Variants in NT5C3A observed in about 807,000 individuals in gnomAD.
NT5C3A encodes cytosolic 5'-nucleotidase 3A.
Under a neutral mutation model 40.0 loss-of-function variants are expected in NT5C3A, and 23 were observed. The observed-to-expected ratio is 0.58, with a 90% confidence interval of 0.41 to 0.81. The LOEUF (loss-of-function observed/expected upper bound fraction) is 0.81, where lower values mean the gene tolerates loss of function less well. Ranked by LOEUF, NT5C3A falls within the 40% of genes least tolerant of loss-of-function variation. The pLI is 0.00. For synonymous variants in NT5C3A, 130 were observed against 141.4 expected, an observed-to-expected ratio of 0.92 and a Z score of 0.57; for missense variants, 328 against 403.0, an observed-to-expected ratio of 0.81 and a Z score of 1.59.
rs772630339 is a variant in NT5C3A at position 33,035,935 on chromosome 7, A to AT, written c.139-9021dup. The AT allele has an allele frequency of 1.2e-5, 19 of 1,612,178 alleles. No individual in the cohort carries two copies. The African/African-American group carries it at 2.4e-4, about 20-fold the overall frequency. On this transcript the variant is annotated intron_variant, in intron 1 of 8. Transcript: ENST00000610140. ...AACTGGAAATAGGCAAATACCCACC[A>AT]TTTTCACATGTACGGCAGACTCTTG...
intron 2 of NT5C3A, among the ~76,000 whole-genome samples, chr7:33,026,148 G>A (rs1467552810): frequency 6.6e-6 from 1 of 152,056 alleles, no homozygotes; most frequent in Admixed American, 6.6e-5. Flanking sequence ...TCGTGCCACT[G>A]CACTCCAGCC....
chr7:33,019,246 AC>A (rs1359586148), intron 6 of NT5C3A, among the ~76,000 whole-genome samples: 1 of 143,136 alleles, frequency 7.0e-6, no homozygotes, highest in Non-Finnish European at 1.5e-5. Flanking sequence ...ACAGAGAGAG[AC>A]CCTGTCTTTA....
At chr7:33,021,231 T>C (rs769577554) in intron 5 of NT5C3A, 41 bp downstream of exon 5, 105 of 1,608,228 alleles carry the variant, frequency 6.5e-5, no homozygotes, top group Non-Finnish European at 8.1e-5. Context: ...TGTTGTTTTA[T>C]TATTTTTTTT....
At chr7:33,054,286 C>T (rs139180100) in intron 1 of NT5C3A, among the ~76,000 whole-genome samples, 197 of 150,718 alleles carry the variant, frequency 1.3e-3, no homozygotes, top group African/African-American at 4.6e-3. Flanking sequence ...TCAAGCAGGT[C>T]AAAGCTGCAG....
chr7:33,046,315 T>C (rs60057476), intron 1 of NT5C3A, among the ~76,000 whole-genome samples: 4,528 of 152,210 alleles, frequency 0.03, 100 homozygotes, highest in South Asian at 0.12. Context: ...GGTAGAAGGA[T>C]TGCTTGAGCC....
At chr7:33,041,392 T>G (rs764499834) in intron 1 of NT5C3A, among the ~76,000 whole-genome samples, 3 of 152,182 alleles carry the variant, frequency 2.0e-5, no homozygotes, top group African/African-American at 7.2e-5. Context: ...TGGACAGTGG[T>G]TATGGTTGCA....
chr7:33,046,545 T>C (rs1787166000), intron 1 of NT5C3A, among the ~76,000 whole-genome samples: 1 of 151,354 alleles, frequency 6.6e-6, no homozygotes, highest in African/African-American at 2.4e-5. Context: ...AAAAAAAAAA[T>C]TGCAAAAATC....
chr7:33,033,622 G>T (rs1451179424), intron 1 of NT5C3A, among the ~76,000 whole-genome samples: 2 of 152,056 alleles, frequency 1.3e-5, no homozygotes, highest in African/African-American at 4.8e-5. Flanking sequence ...AAGAAACAAA[G>T]ATTTCTTCTT....
Position 33,040,888 on chromosome 7 carries a change from C to T in NT5C3A, c.139-13973G>A, listed in dbSNP as rs72555730. The T allele has an allele frequency of 5.5e-4, 543 of 985,248 alleles. 5 individuals are homozygous for T. The East Asian group carries it at 0.034, about 62-fold the overall frequency. The allele number at this position is 985,248 out of a possible 1,614,324, so 61.0% of individuals were successfully genotyped here. On this transcript the variant is annotated intron_variant, in intron 1 of 8. Transcript: ENST00000610140. ...CACACTTACCCTGAAGGTAACCGGA[C>T]GAGCTACACCAGCAAAAGAAAATTC... is the stretch of plus-strand genomic sequence containing the variant.
chr7:33,059,272 G>T (rs969298155), intron 1 of NT5C3A, among the ~76,000 whole-genome samples: 6 of 152,072 alleles, frequency 3.9e-5, no homozygotes, highest in Non-Finnish European at 5.9e-5. Flanking sequence ...GTATATATTG[G>T]TTACTCTGGG....
At chr7:33,053,355 T>A (rs1787446646) in intron 1 of NT5C3A, among the ~76,000 whole-genome samples, 1 of 152,054 alleles carries the variant, frequency 6.6e-6, no homozygotes, top group Non-Finnish European at 1.5e-5. Flanking sequence ...GCCTGGCTAA[T>A]TTTTGTATTT....
At position 33,017,618 on chromosome 7, in the gene NT5C3A, A is replaced by C. The variant is rs1275200396; in HGVS notation, c.531-17T>G. The C allele has an allele frequency of 1.9e-6, 3 of 1,600,748 alleles. No homozygotes were observed. The highest frequency in any genetic ancestry group is 4.5e-5 in the East Asian group (2 of 44,822). On this transcript the variant is annotated splice_polypyrimidine_tract_variant and intron_variant, in intron 6 of 8. Coordinates refer to ENST00000610140, the MANE Select transcript of NT5C3A (RefSeq NM_001002010.5). Reference sequence around the variant, plus strand: ...TATCCTTCTCTGTAAGATGGAGATAACAAACTGGTTATTAAAGAGCAAGAT... The same window carrying C: ...TATCCTTCTCTGTAAGATGGAGATACCAAACTGGTTATTAAAGAGCAAGAT...
At chr7:33,027,799 C>T (rs536276051) in intron 1 of NT5C3A, among the ~76,000 whole-genome samples, 21 of 152,254 alleles carry the variant, frequency 1.4e-4, no homozygotes, top group African/African-American at 2.4e-4. Flanking sequence ...TAAACTTCCA[C>T]CCTAATACTA....
intron 8 of NT5C3A, 27 bp from the exon 9 acceptor site, chr7:33,014,858 T>G (rs746728140): frequency 1.0e-5 from 16 of 1,584,086 alleles, no homozygotes; most frequent in Admixed American, 6.7e-5. Flanking sequence ...CAAAAGAAAA[T>G]TAACATGCAG....
rs140783190 is a variant in NT5C3A at position 33,025,097 on chromosome 7, C to T, written c.238-989G>A. On this transcript the variant is annotated intron_variant, in intron 2 of 8. Transcript: ENST00000610140. ...CAGGTTGCAGTGAGCTAAGATCATG[C>T]CACTACACTCCAACCTGGGCGACAG... Among the ~76,000 whole-genome samples the T allele has an allele frequency of 8.5e-3, 1,288 of 152,170 alleles. 22 individuals are homozygous for T. The highest frequency in any genetic ancestry group is 0.03 in the African/African-American group (1,236 of 41,498).
chr7:33,031,084 C>T (rs553943321), intron 1 of NT5C3A, among the ~76,000 whole-genome samples: 106 of 129,810 alleles, frequency 8.2e-4, no homozygotes, highest in Non-Finnish European at 1.6e-3. Context: ...TGGGCGACAG[C>T]GAGACTCTGC....
Position 33,062,616 on chromosome 7 carries a change from T to C in NT5C3A, c.90A>G (p.Ile30Met), listed in dbSNP as rs1787828366. 5.6e-6 allele frequency: 9 copies of C among 1,608,966 alleles called. No individual in the cohort carries two copies. Among genetic ancestry groups the C allele is most frequent in the Non-Finnish European group, 7.6e-6 (9 of 1,178,450 alleles). ...GCCCCGTCTTCCTCTTCAAGGTGAA[T>C]ATGTACTGAGCCAGCACCACCCCCG... is the stretch of plus-strand genomic sequence containing the variant. ...LVAGVVLAQY[I>M]FTLKRKTGRK... Residue 30 changes from isoleucine to methionine, a missense_variant, in exon 1 of 9, where the codon ATA (isoleucine) becomes ATG (methionine). This residue lies in a region of NT5C3A where 280 missense variants were observed against 317.2 expected (regional missense o/e 0.88). Coordinates refer to ENST00000610140, the MANE Select transcript of NT5C3A (RefSeq NM_001002010.5).
At chr7:33,045,941 C>A (rs1176372066) in intron 1 of NT5C3A, 1 of 152,446 alleles carries the variant, frequency 6.6e-6, no homozygotes, top group Non-Finnish European at 1.5e-5. Context: ...ACCTGGTGGT[C>A]CCCTGCTCCC....
chr7:33,044,210 C>T (rs1189641082), intron 1 of NT5C3A, among the ~76,000 whole-genome samples: 1 of 151,912 alleles, frequency 6.6e-6, no homozygotes, highest in Non-Finnish European at 1.5e-5. Context: ...GTATGGGACA[C>T]ATTTTGAACC....
Sources: gnomAD v4.1 joint callset for allele counts (sites outside exome capture counted in the v4.1 genomes callset) on GRCh38, gnomAD v4.1.1 for gene constraint, gnomAD v4.1.1 regional missense constraint, MANE v1.5 for transcripts, NCBI Gene and HGNC (gene_info 2026-07-23, HGNC 2026-07-21) for gene names.